The following ATRNL1 variants were observed in gnomAD, a reference collection of about 807,000 sequenced individuals.
The protein encoded by ATRNL1 is attractin-like protein 1.
In ATRNL1, 95 loss-of-function variants were observed where a neutral mutation model predicts 182.7. That is an observed-to-expected ratio of 0.52 (90% CI 0.44 to 0.62). The LOEUF (loss-of-function observed/expected upper bound fraction) is 0.62. ATRNL1 is among the 20% of genes least tolerant of loss of function. ATRNL1 has a pLI of 0.00. For missense variants in ATRNL1, 1,471 were observed against 1,679.5 expected (o/e 0.88, Z 2.17); for synonymous variants, 576 against 568.3 (o/e 1.01, Z -0.19).
At chr10:115,481,375 T>C (rs2134614157) in intron 24 of ATRNL1, among the ~76,000 whole-genome samples, 1 of 150,940 alleles carries the variant, frequency 6.6e-6, no homozygotes, top group South Asian at 2.1e-4. Context: ...TGCACATATG[T>C]CCCCAAATTA....
chr10:115,794,258 C>A lies in ATRNL1; in HGVS notation c.3904-53619C>A, dbSNP rs530480716. On this transcript the variant is annotated intron_variant, in intron 27 of 28. Transcript: ENST00000355044. The stretch of plus-strand genomic sequence containing the variant: ...ATATAAAGAATTTTTTTCCTCATAC[C>A]ATTTCAGAGTAATTTGCCACCTGAC... Among the ~76,000 whole-genome samples, 6 of 152,152 alleles carry A rather than the reference C, an allele frequency of 3.9e-5. No individual in the cohort carries two copies. The South Asian group carries it at 1.2e-3, about 32-fold the overall frequency.
chr10:115,499,802 G>C (rs1849725769), intron 24 of ATRNL1, among the ~76,000 whole-genome samples: 1 of 152,176 alleles, frequency 6.6e-6, no homozygotes, highest in African/African-American at 2.4e-5. Context: ...GAGGCTGGTT[G>C]GCCCTAAGCA....
intron 26 of ATRNL1, among the ~76,000 whole-genome samples, chr10:115,721,091 C>G (rs1458534938): frequency 6.6e-6 from 1 of 152,058 alleles, no homozygotes; most frequent in Admixed American, 6.5e-5. Flanking sequence ...TCTATTTGCC[C>G]TTTAGAGGTC....
chr10:115,881,864 C>A (rs1555108649), intron 28 of ATRNL1, among the ~76,000 whole-genome samples: 1 of 152,164 alleles, frequency 6.6e-6, no homozygotes, highest in Non-Finnish European at 1.5e-5. Context: ...CAGGACCTAC[C>A]ATTAAATAGC....
At chr10:115,744,673 T>G (rs1948238422) in intron 27 of ATRNL1, among the ~76,000 whole-genome samples, 1 of 152,220 alleles carries the variant, frequency 6.6e-6, no homozygotes, top group Non-Finnish European at 1.5e-5. Flanking sequence ...TATATACCTC[T>G]AATCAGCCTC....
intron 24 of ATRNL1, among the ~76,000 whole-genome samples, chr10:115,487,863 C>T (rs1287039816): frequency 6.6e-6 from 1 of 152,038 alleles, no homozygotes; most frequent in Admixed American, 6.6e-5. Flanking sequence ...ATTGGCTGTG[C>T]ATTTGTCATA....
At chr10:115,641,247 C>T (rs1391852156) in intron 26 of ATRNL1, among the ~76,000 whole-genome samples, 1 of 152,110 alleles carries the variant, frequency 6.6e-6, no homozygotes, top group Non-Finnish European at 1.5e-5. Context: ...AATTCTTTGC[C>T]TATGGAATAA....
intron 27 of ATRNL1, among the ~76,000 whole-genome samples, chr10:115,781,361 A>C (rs537268798): frequency 6.6e-6 from 1 of 152,238 alleles, no homozygotes; most frequent in Non-Finnish European, 1.5e-5. Flanking sequence ...TAAGCCTAAC[A>C]GAAATGAGTA....
At chr10:115,105,806 G>A (rs940029150) in intron 1 of ATRNL1, among the ~76,000 whole-genome samples, 5 of 152,216 alleles carry the variant, frequency 3.3e-5, no homozygotes, top group African/African-American at 4.8e-5. Context: ...ACCTCTGTCT[G>A]CATTTCAGAA....
chr10:115,462,092 T>C, intron 22 of ATRNL1, 57 bp downstream of exon 22: 1 of 1,296,890 alleles, frequency 7.7e-7, no homozygotes, highest in South Asian at 1.3e-5. Flanking sequence ...TTTTTTTTCA[T>C]ATTTCATTTG....
intron 18 of ATRNL1, among the ~76,000 whole-genome samples, chr10:115,327,782 G>T (rs75822543): frequency 6.6e-6 from 1 of 152,014 alleles, no homozygotes; most frequent in Non-Finnish European, 1.5e-5. Flanking sequence ...CATGTCCTTT[G>T]TAGGGATATG....
At chr10:115,094,792 G>A (rs1308650763) in intron 1 of ATRNL1, among the ~76,000 whole-genome samples, 1 of 152,192 alleles carries the variant, frequency 6.6e-6, no homozygotes, top group Non-Finnish European at 1.5e-5. Flanking sequence ...ACACACTCCA[G>A]AATGTGTACT....
intron 19 of ATRNL1, among the ~76,000 whole-genome samples, chr10:115,394,081 G>GT (rs1554954939): frequency 6.6e-6 from 1 of 151,940 alleles, no homozygotes; most frequent in Non-Finnish European, 1.5e-5. Context: ...CTGCAGCTAT[G>GT]TTTTTATTAT....
At chr10:115,349,421 T>C (rs1376688527) in intron 19 of ATRNL1, among the ~76,000 whole-genome samples, 1 of 152,254 alleles carries the variant, frequency 6.6e-6, no homozygotes, top group East Asian at 1.9e-4. Flanking sequence ...GCAATAATCA[T>C]GGATATGCAG....
chr10:115,464,793 T>A (rs1283411743), intron 22 of ATRNL1, among the ~76,000 whole-genome samples: 2 of 151,662 alleles, frequency 1.3e-5, no homozygotes, highest in African/African-American at 4.8e-5. Context: ...GATTTCACCA[T>A]CCTTTACTTT....
intron 28 of ATRNL1, among the ~76,000 whole-genome samples, chr10:115,881,258 G>C (rs1040938593): frequency 4.6e-5 from 7 of 152,204 alleles, no homozygotes; most frequent in African/African-American, 1.7e-4. Flanking sequence ...TTGCCTTTGA[G>C]CAAATGCTGT....
intron 1 of ATRNL1, among the ~76,000 whole-genome samples, chr10:115,118,106 C>T (rs895745937): frequency 6.6e-6 from 1 of 152,054 alleles, no homozygotes; most frequent in African/African-American, 2.4e-5. Flanking sequence ...GGTTATTAAT[C>T]CTTTGTCAGA....
intron 19 of ATRNL1, among the ~76,000 whole-genome samples, chr10:115,354,865 ATTTTATTCTT>A (rs1403378686): frequency 4.6e-5 from 7 of 151,856 alleles, no homozygotes; most frequent in African/African-American, 1.7e-4. Context: ...CTGTAATCAT[ATTTTATTCTT>A]TTTTATTCTT....
intron 20 of ATRNL1, among the ~76,000 whole-genome samples, chr10:115,401,845 T>G (rs1592600234): frequency 6.6e-6 from 1 of 152,172 alleles, no homozygotes; most frequent in African/African-American, 2.4e-5. Flanking sequence ...CCATGTAGTT[T>G]CTACCGCATA....
Sources: allele counts gnomAD v4.1 joint callset (sites outside exome capture counted in the v4.1 genomes callset), GRCh38; gene constraint gnomAD v4.1.1; transcripts MANE v1.5; gene names NCBI Gene and HGNC (gene_info 2026-07-23, HGNC 2026-07-21).